RBM25: variants seen among roughly 807,000 people sequenced by gnomAD.
The protein encoded by RBM25 is RNA binding motif protein 25, also known as RNA-binding protein 25.
A neutral mutation model predicts 120.7 loss-of-function variants in RBM25; 19 were observed. The observed-to-expected ratio is 0.16, with a 90% CI of 0.11 to 0.23. The LOEUF is 0.23. RBM25 is among the 10% of genes least tolerant of loss of function. The pLI, the probability that RBM25 is intolerant of heterozygous loss-of-function variation, is 1.00. For missense variants in RBM25, 605 were observed against 1,041.5 expected (o/e 0.58, Z 5.77); for synonymous variants, 390 against 326.7 (o/e 1.19, Z -2.09).
At chr14:73,087,687 G>A (rs1212915458) in intron 5 of RBM25, among the ~76,000 whole-genome samples, 7 of 152,176 alleles carry the variant, frequency 4.6e-5, no homozygotes, top group African/African-American at 1.4e-4. Context: ...GAGCCACCGC[G>A]CCCGGCCAAT....
At chr14:73,105,519 T>G (rs1594930017) in intron 10 of RBM25, among the ~76,000 whole-genome samples, 1 of 152,226 alleles carries the variant, frequency 6.6e-6, no homozygotes, top group African/African-American at 2.4e-5. Context: ...TTTCCTTTTT[T>G]CTGTTTTACA....
intron 7 of RBM25, 91 bp downstream of exon 7, chr14:73,097,191 C>G: frequency 2.7e-6 from 1 of 374,074 alleles, no homozygotes; most frequent in Non-Finnish European, 3.8e-6. Context: ...TTTCTTTTTT[C>G]TTTTCTTTTT....
At chr14:73,068,559 G>A in intron 1 of RBM25, 6 of 644,468 alleles carry the variant, frequency 9.3e-6, no homozygotes, top group South Asian at 8.2e-5. Context: ...CTTTGGCACT[G>A]ATGTGCTTTT....
In RBM25 at chr14:73,063,910, T is replaced by C. The variant is rs1350041073; in HGVS notation, c.-16+5205T>C. Among the ~76,000 whole-genome samples, 2 of 151,562 alleles carry C rather than the reference T, an allele frequency of 1.3e-5. 1 individual carries two copies. Among genetic ancestry groups the C allele is most frequent in the Non-Finnish European group, 3.0e-5 (2 of 67,642 alleles). On this transcript the variant is annotated intron_variant, in intron 1 of 18. Transcript: ENST00000261973. ...ACTCATAATACTCAGTATTTATTTCTGATTTTCTTCATTTATTCTGCTCCA... is the reference window on the plus strand; with the variant it reads ...ACTCATAATACTCAGTATTTATTTCCGATTTTCTTCATTTATTCTGCTCCA...
At chr14:73,088,823 A>T (rs1049752781) in intron 6 of RBM25, among the ~76,000 whole-genome samples, 1 of 152,350 alleles carries the variant, frequency 6.6e-6, no homozygotes, top group African/African-American at 2.4e-5. Flanking sequence ...CGCTGTCGTC[A>T]AATTTTTATT....
rs748237527 is a variant in RBM25 at position 73,071,763 on chromosome 14, C to T, written c.106+16C>T. ...GTACCTCCAGGTAAGTTTGTTGATA[C>T]TGTTTTTTGTCGTTAAACTTGTACT... On this transcript the variant is annotated intron_variant, in intron 2 of 18. Coordinates refer to ENST00000261973, the MANE Select transcript of RBM25 (RefSeq NM_021239.3). The T allele has an allele frequency of 1.3e-6, 2 of 1,575,262 alleles. No individual in the cohort carries two copies. Among genetic ancestry groups the T allele is most frequent in the Non-Finnish European group, 1.7e-6 (2 of 1,145,148 alleles).
chr14:73,071,884 T>G (rs1895301858), intron 2 of RBM25, 137 bp downstream of exon 2: 2 of 659,776 alleles, frequency 3.0e-6, no homozygotes, highest in East Asian at 3.0e-5. Context: ...TGGATGTCTC[T>G]TTTTCCTATA....
At chr14:73,080,309 C>T (rs567034705) in intron 4 of RBM25, among the ~76,000 whole-genome samples, 7 of 146,670 alleles carry the variant, frequency 4.8e-5, no homozygotes, top group African/African-American at 1.5e-4. Context: ...CTGCAAGCTC[C>T]GCCTCCTGGG....
rs1377317308 is a variant in RBM25, at chr14:73,123,267, T to C, written c.*3462T>C. 1.3e-5 allele frequency: 2 copies of C among 152,132 alleles called. No homozygotes were observed. The highest frequency in any genetic ancestry group is 6.5e-5 in the Admixed American group (1 of 15,272). The allele number at this position is 152,132 out of a possible 1,614,324, so 9.4% of individuals were successfully genotyped here. A position where few individuals can be genotyped will look rare whatever the true frequency, so the allele number is the denominator to read the frequency against. On this transcript the variant is annotated 3_prime_UTR_variant, in exon 19 of 19. Transcript: ENST00000261973. ...ATTTGAACTAGACACTATCTTTTTT[T>C]CTCCTTTTTAATGGAATAAATTTAA...
At chr14:73,059,014 C>A (rs545792404) in intron 1 of RBM25, among the ~76,000 whole-genome samples, 3 of 152,236 alleles carry the variant, frequency 2.0e-5, no homozygotes, top group Admixed American at 6.5e-5. Flanking sequence ...CTCTGCCCCC[C>A]CTGGGCTCCA....
chr14:73,113,393 A>G (rs903941087), intron 17 of RBM25, among the ~76,000 whole-genome samples: 1 of 151,768 alleles, frequency 6.6e-6, no homozygotes, highest in Non-Finnish European at 1.5e-5. Flanking sequence ...AGCCGAAGAT[A>G]AAGTTCTATA....
At chr14:73,119,136 G>T (rs1896493787) in intron 18 of RBM25, among the ~76,000 whole-genome samples, 2 of 152,072 alleles carry the variant, frequency 1.3e-5, no homozygotes, top group Non-Finnish European at 2.9e-5. Flanking sequence ...TTTACTGAAA[G>T]CAAAACTACT....
At chr14:73,084,208 A>G (rs1895631846) in intron 5 of RBM25, among the ~76,000 whole-genome samples, 1 of 152,068 alleles carries the variant, frequency 6.6e-6, no homozygotes, top group Middle Eastern at 3.2e-3. Flanking sequence ...TCAAATGTTA[A>G]TTTTTTAAAT....
intron 6 of RBM25, among the ~76,000 whole-genome samples, chr14:73,094,932 C>T (rs554504392): frequency 6.6e-6 from 1 of 152,098 alleles, no homozygotes; most frequent in East Asian, 1.9e-4. Flanking sequence ...TCTCTGCTCA[C>T]TGCAGTCTCC....
chr14:73,104,317 A>G (rs912502317), intron 10 of RBM25, among the ~76,000 whole-genome samples: 1 of 151,406 alleles, frequency 6.6e-6, no homozygotes, highest in African/African-American at 2.4e-5. Context: ...GGCTCCTAGT[A>G]ATTTTACTCT....
At chr14:73,075,027 G>C (rs1895382312) in intron 2 of RBM25, among the ~76,000 whole-genome samples, 1 of 148,508 alleles carries the variant, frequency 6.7e-6, no homozygotes, top group Non-Finnish European at 1.5e-5. Flanking sequence ...ATGGAGTTTT[G>C]CTATGTTTCC....
chr14:73,118,692 A>C (rs1186530705), intron 18 of RBM25, among the ~76,000 whole-genome samples: 1 of 152,152 alleles, frequency 6.6e-6, no homozygotes. Flanking sequence ...TCACAAAAAT[A>C]TGGTACTCTT....
intron 18 of RBM25, among the ~76,000 whole-genome samples, chr14:73,117,577 C>T (rs771261420): frequency 7.2e-5 from 11 of 152,094 alleles, no homozygotes; most frequent in Non-Finnish European, 1.5e-4. Flanking sequence ...AGTCAGTTGT[C>T]AGAGCACTTA....
At chr14:73,110,077 G>C (rs1301321020) in intron 14 of RBM25, among the ~76,000 whole-genome samples, 1 of 151,454 alleles carries the variant, frequency 6.6e-6, no homozygotes, top group African/African-American at 2.4e-5. Context: ...TGGCGACGGG[G>C]TTTTACCATG....
Sources: allele counts gnomAD v4.1 joint callset (sites outside exome capture counted in the v4.1 genomes callset), GRCh38; gene constraint gnomAD v4.1.1; transcripts MANE v1.5; gene names NCBI Gene and HGNC (gene_info 2026-07-23, HGNC 2026-07-21).